EXOC4: variants seen among roughly 807,000 people sequenced by gnomAD.
EXOC4 encodes the protein exocyst complex component 4.
EXOC4 carries 71 observed loss-of-function variants against 107.2 expected under a neutral mutation model. The ratio of observed to expected loss-of-function variants is 0.66; its 90% CI spans 0.55 to 0.81. The LOEUF (loss-of-function observed/expected upper bound fraction) is 0.81. EXOC4 is among the 30% of genes least tolerant of loss of function. The probability of loss-of-function intolerance (pLI) is 0.00; values close to 1 mark genes in which losing one functional copy is unlikely to be tolerated. For missense variants in EXOC4, 1,108 were observed against 1,189.6 expected, an observed-to-expected ratio of 0.93 and a Z score of 1.01; for synonymous variants, 456 against 441.2, an observed-to-expected ratio of 1.03 and a Z score of -0.42.
chr7:133,822,646 G>A (rs1797549640), intron 11 of EXOC4, among the ~76,000 whole-genome samples: 3 of 152,164 alleles, frequency 2.0e-5, no homozygotes, highest in South Asian at 2.1e-4. Flanking sequence ...CAGTGCAAAA[G>A]CAAGTGTGGC....
intron 11 of EXOC4, among the ~76,000 whole-genome samples, chr7:133,879,511 G>A (rs1020643881): frequency 1.3e-5 from 2 of 152,124 alleles, no homozygotes; most frequent in Non-Finnish European, 2.9e-5. Context: ...TAGCACAAAT[G>A]CATAATTTTT....
intron 10 of EXOC4, among the ~76,000 whole-genome samples, chr7:133,707,139 A>G (rs1055461130): frequency 6.6e-6 from 1 of 152,244 alleles, no homozygotes; most frequent in South Asian, 2.1e-4. Context: ...AATTTAGGAC[A>G]TAATTAATTG....
intron 10 of EXOC4, among the ~76,000 whole-genome samples, chr7:133,675,495 A>G (rs1794035903): frequency 6.6e-6 from 1 of 152,204 alleles, no homozygotes; most frequent in South Asian, 2.1e-4. Flanking sequence ...ACAAATTTGA[A>G]TGCTTAAAAT....
chr7:133,264,283 G>A (rs1401474246), intron 1 of EXOC4, among the ~76,000 whole-genome samples: 1 of 152,180 alleles, frequency 6.6e-6, no homozygotes, highest in African/African-American at 2.4e-5. Context: ...TGTGTTGGGT[G>A]TAGTAATTGG....
At chr7:133,548,427 G>A (rs1011624961) in intron 9 of EXOC4, among the ~76,000 whole-genome samples, 2 of 152,146 alleles carry the variant, frequency 1.3e-5, no homozygotes, top group African/African-American at 4.8e-5. Flanking sequence ...GTCCTTTGAA[G>A]CTTTGAAGCC....
intron 10 of EXOC4, among the ~76,000 whole-genome samples, chr7:133,746,888 T>C (rs183167128): frequency 7.0e-4 from 106 of 152,258 alleles, no homozygotes; most frequent in African/African-American, 2.5e-3. Flanking sequence ...CGTTTTCTCT[T>C]TTCTAAAGAG....
chr7:134,088,824 T>C, the EXOC4 span, among the ~76,000 whole-genome samples: 1 of 152,210 alleles, frequency 6.6e-6, no homozygotes, highest in South Asian at 2.1e-4. Context: ...ACAGTGATTT[T>C]ATGTAACAAT....
intron 10 of EXOC4, among the ~76,000 whole-genome samples, chr7:133,661,094 C>G (rs1472055684): frequency 6.6e-6 from 1 of 152,090 alleles, no homozygotes; most frequent in African/African-American, 2.4e-5. Flanking sequence ...AAATGCCAGG[C>G]AGGGCATTTT....
At chr7:133,932,048 T>G (rs971857591) in intron 13 of EXOC4, among the ~76,000 whole-genome samples, 1 of 152,232 alleles carries the variant, frequency 6.6e-6, no homozygotes, top group Non-Finnish European at 1.5e-5. Flanking sequence ...GAAGAAACTA[T>G]GCATTTATGC....
intron 8 of EXOC4, among the ~76,000 whole-genome samples, 157 bp downstream of exon 8, chr7:133,475,630 C>G (rs1490447297): frequency 6.6e-6 from 1 of 152,078 alleles, no homozygotes; most frequent in South Asian, 2.1e-4. Context: ...TTTTTGTTTT[C>G]TGTCAGGTGA....
intron 13 of EXOC4, among the ~76,000 whole-genome samples, chr7:133,924,773 T>C (rs1388684065): frequency 6.6e-6 from 1 of 152,252 alleles, no homozygotes; most frequent in African/African-American, 2.4e-5. Context: ...TACTTGTCTT[T>C]GAATTTTATA....
At chr7:133,615,843 T>C (rs762789509) in intron 9 of EXOC4, among the ~76,000 whole-genome samples, 6 of 152,174 alleles carry the variant, frequency 3.9e-5, no homozygotes, top group Non-Finnish European at 7.3e-5. Flanking sequence ...AAAAACAACA[T>C]TTAAAAAGCA....
intron 4 of EXOC4, among the ~76,000 whole-genome samples, chr7:133,309,962 G>C (rs1196484843): frequency 6.6e-6 from 1 of 152,044 alleles, no homozygotes; most frequent in East Asian, 1.9e-4. Flanking sequence ...AACAAAAAAG[G>C]CTATGTAGTC....
At chr7:133,843,062 A>T (rs1002772615) in intron 11 of EXOC4, among the ~76,000 whole-genome samples, 1 of 152,150 alleles carries the variant, frequency 6.6e-6, no homozygotes, top group Non-Finnish European at 1.5e-5. Flanking sequence ...TGTTTTGGTT[A>T]CCATAGTCTT....
At chr7:133,852,240 T>TC (rs397943368) in intron 11 of EXOC4, among the ~76,000 whole-genome samples, 1 of 150,476 alleles carries the variant, frequency 6.6e-6, no homozygotes, top group Non-Finnish European at 1.5e-5. Flanking sequence ...TTTTTTTTTT[T>TC]GAGACGGAGT....
chr7:133,616,297 A>G (rs1041621761), intron 9 of EXOC4, among the ~76,000 whole-genome samples: 2 of 152,046 alleles, frequency 1.3e-5, no homozygotes, highest in Non-Finnish European at 2.9e-5. Context: ...TTTATACATC[A>G]TAATGTGAAC....
At chr7:133,269,745 A>G (rs1793819642) in intron 1 of EXOC4, among the ~76,000 whole-genome samples, 1 of 152,168 alleles carries the variant, frequency 6.6e-6, no homozygotes, top group Non-Finnish European at 1.5e-5. Flanking sequence ...TTAGAAAGAT[A>G]GTGTTCATGT....
At chr7:133,376,283 G>A (rs1273839785) in intron 7 of EXOC4, among the ~76,000 whole-genome samples, 1 of 152,100 alleles carries the variant, frequency 6.6e-6, no homozygotes, top group African/African-American at 2.4e-5. Flanking sequence ...CATGCTTGGT[G>A]AATATTTTTG....
intron 11 of EXOC4, among the ~76,000 whole-genome samples, chr7:133,878,377 C>A (rs1798893724): frequency 6.6e-6 from 1 of 152,182 alleles, no homozygotes; most frequent in Admixed American, 6.5e-5. Context: ...GCCAGCCATG[C>A]TGTGGCATGT....
Sources: allele counts gnomAD v4.1 joint callset (sites outside exome capture counted in the v4.1 genomes callset), GRCh38; gene constraint gnomAD v4.1.1; transcripts MANE v1.5; gene names NCBI Gene and HGNC (gene_info 2026-07-23, HGNC 2026-07-21).